CLRN1: variants seen among roughly 807,000 people sequenced by gnomAD.
CLRN1 encodes clarin-1.
In CLRN1, 15 loss-of-function variants were observed where a neutral mutation model predicts 18.7. The observed-to-expected ratio is 0.80, with a 90% CI of 0.54 to 1.23. The LOEUF is 1.23. Ranked by LOEUF, CLRN1 falls within the 50% of genes most tolerant of loss-of-function variation. The pLI is 0.00. For synonymous variants in CLRN1, 104 were observed against 102.9 expected (o/e 1.01, Z -0.07); for missense variants, 311 against 277.5 (o/e 1.12, Z -0.86).
At chr3:150,969,090 A>C (rs1715401422) in intron 1 of CLRN1, among the ~76,000 whole-genome samples, 1 of 151,212 alleles carries the variant, frequency 6.6e-6, no homozygotes, top group African/African-American at 2.4e-5. Flanking sequence ...AATACACTCT[A>C]GATTTCCAAG....
chr3:150,931,987 A>G (rs1375943334), intron 2 of CLRN1, among the ~76,000 whole-genome samples: 1 of 151,890 alleles, frequency 6.6e-6, no homozygotes, highest in Non-Finnish European at 1.5e-5. Context: ...TTACTCAATG[A>G]CCTACAGCCA....
chr3:150,927,007 G>C lies in CLRN1; in HGVS notation c.*929C>G. 6.7e-7 allele frequency: 1 copy of C among 1,485,294 alleles called. No homozygotes were observed. Among genetic ancestry groups the C allele is most frequent in the South Asian group, 1.2e-5 (1 of 83,054 alleles). The allele number at this position is 1,485,294 out of a possible 1,614,324, so 92.0% of individuals were successfully genotyped here. On this transcript the variant is annotated 3_prime_UTR_variant, in exon 3 of 3. Transcript: ENST00000327047. ...CAGATTTAATATAATTTTCATAATT[G>C]CATATTAGTACTCGAGACACTATAG...
chr3:150,971,597 A>G (rs978772579), intron 1 of CLRN1, among the ~76,000 whole-genome samples: 6 of 152,212 alleles, frequency 3.9e-5, no homozygotes, highest in African/African-American at 7.2e-5. Context: ...TGATTTATGC[A>G]GTAATTTACT....
chr3:150,954,448 T>C (rs1714640512), intron 1 of CLRN1, among the ~76,000 whole-genome samples: 1 of 152,272 alleles, frequency 6.6e-6, no homozygotes, highest in South Asian at 2.1e-4. Flanking sequence ...TGTTTGTATC[T>C]TTTGTGCATT....
At chr3:150,948,210 C>T (rs1269421865) in intron 1 of CLRN1, among the ~76,000 whole-genome samples, 3 of 151,612 alleles carry the variant, frequency 2.0e-5, no homozygotes, top group African/African-American at 7.3e-5. Flanking sequence ...ATGGGCCGGG[C>T]GCGGTGGCTC....
chr3:150,945,452 G>A, intron 1 of CLRN1: 4 of 1,231,504 alleles, frequency 3.2e-6, no homozygotes, highest in South Asian at 2.6e-5. Context: ...AAGGGGGCCA[G>A]GAGAGAAAGT....
intron 1 of CLRN1, among the ~76,000 whole-genome samples, chr3:150,971,936 T>C (rs1715556735): frequency 6.6e-6 from 1 of 152,226 alleles, no homozygotes; most frequent in African/African-American, 2.4e-5. Context: ...TAAATTTCTA[T>C]AGCCAAATGA....
chr3:150,932,657 A>C (rs1162874672), intron 2 of CLRN1, among the ~76,000 whole-genome samples: 4 of 152,218 alleles, frequency 2.6e-5, no homozygotes. Context: ...CAACTTTACA[A>C]GTGTAGGTGT....
rs1258514376 is a variant in CLRN1 at position 150,927,291 on chromosome 3, AT to A, written c.*644del. The A allele has an allele frequency of 2.6e-6, 1 of 380,678 alleles. No homozygotes were observed. The highest frequency in any genetic ancestry group is 2.1e-5 in the South Asian group (1 of 47,858). 23.6% of individuals were successfully genotyped at this position (380,678 alleles called of 1,614,324 possible). Reference sequence around the variant, plus strand: ...AAAGCCTATATTTTATATTTATTTTATTTTTTAATTTTGTTAGTGACAGGGT... The same window carrying A: ...AAAGCCTATATTTTATATTTATTTTATTTTTAATTTTGTTAGTGACAGGGT... On this transcript the variant is annotated 3_prime_UTR_variant, in exon 3 of 3. Coordinates refer to ENST00000327047, the MANE Select transcript of CLRN1 (RefSeq NM_174878.3).
intron 1 of CLRN1, among the ~76,000 whole-genome samples, chr3:150,962,682 A>G (rs1208587494): frequency 6.6e-6 from 1 of 152,204 alleles, no homozygotes; most frequent in Non-Finnish European, 1.5e-5. Flanking sequence ...TTTGAAGATC[A>G]TACCATGAAG....
chr3:150,949,903 T>G (rs1382292771), intron 1 of CLRN1, among the ~76,000 whole-genome samples: 1 of 152,176 alleles, frequency 6.6e-6, no homozygotes, highest in African/African-American at 2.4e-5. Context: ...GTTACCCAAC[T>G]TTGAAATATG....
intron 1 of CLRN1, chr3:150,943,768 C>T (rs1025837126): frequency 7.5e-5 from 121 of 1,613,000 alleles, no homozygotes; most frequent in Non-Finnish European, 9.2e-5. Flanking sequence ...GGCAGAGCTA[C>T]GAGAGCATTG....
intron 2 of CLRN1, chr3:150,940,421 G>A (rs747687319): frequency 2.4e-5 from 35 of 1,454,292 alleles, no homozygotes; most frequent in African/African-American, 1.1e-4. Context: ...ATCTATACAC[G>A]TTTGTGGTTG....
chr3:150,949,461 C>A (rs2198767), intron 1 of CLRN1, among the ~76,000 whole-genome samples: 28,955 of 152,022 alleles, frequency 0.19, 3,363 homozygotes, highest in African/African-American at 0.32. Flanking sequence ...AAAAAACCCC[C>A]TAGTCTCAGC....
At chr3:150,930,682 C>T (rs4680061) in intron 2 of CLRN1, among the ~76,000 whole-genome samples, 88,967 of 151,946 alleles carry the variant, frequency 0.59, 27,771 homozygotes, top group East Asian at 0.69. Flanking sequence ...GAGAAAATGC[C>T]ATTCCTTTTA....
At chr3:150,934,338 T>C (rs1713330697) in intron 2 of CLRN1, among the ~76,000 whole-genome samples, 1 of 152,240 alleles carries the variant, frequency 6.6e-6, no homozygotes, top group Non-Finnish European at 1.5e-5. Flanking sequence ...GCAGCAATTT[T>C]GTTTGCCCTG....
In CLRN1 at chr3:150,939,040, C is replaced by CT. The variant is rs773359692; in HGVS notation, c.433+2541dup. ...AGAATTTCATTCAGAAGCTGGAGCGCTAGACGGCTGTTGCTGCTAATGAGC... is the reference window on the plus strand; with the variant it reads ...AGAATTTCATTCAGAAGCTGGAGCGCTTAGACGGCTGTTGCTGCTAATGAGC... On this transcript the variant is annotated intron_variant, in intron 2 of 2. Coordinates refer to ENST00000327047, the MANE Select transcript of CLRN1 (RefSeq NM_174878.3). Among the ~76,000 whole-genome samples, 10 of 152,332 alleles carry CT rather than the reference C, an allele frequency of 6.6e-5. 1 individual carries two copies. The highest frequency in any genetic ancestry group is 3.3e-4 in the Admixed American group (5 of 15,300).
rs1353053452 is a variant in CLRN1, at chr3:150,926,823, T to C, written c.*1113A>G. 6.2e-7 allele frequency: 1 copy of C among 1,613,902 alleles called. No homozygotes were observed. Among genetic ancestry groups the C allele is most frequent in the Admixed American group, 1.7e-5 (1 of 59,980 alleles). ...TGGTGCTTTCTGGAGGACAGCAGGTTGAGGATGAAGGAAGGGTCAGTTCCA... is the reference window on the plus strand; with the variant it reads ...TGGTGCTTTCTGGAGGACAGCAGGTCGAGGATGAAGGAAGGGTCAGTTCCA... On this transcript the variant is annotated 3_prime_UTR_variant, in exon 3 of 3. Transcript: ENST00000327047.
At chr3:150,966,028 C>T (rs1233837181) in intron 1 of CLRN1, among the ~76,000 whole-genome samples, 2 of 152,204 alleles carry the variant, frequency 1.3e-5, no homozygotes, top group Non-Finnish European at 2.9e-5. Flanking sequence ...GTAAAGAATG[C>T]CCTTGGAGAG....
Sources: allele counts gnomAD v4.1 joint callset (sites outside exome capture counted in the v4.1 genomes callset), GRCh38; gene constraint gnomAD v4.1.1; transcripts MANE v1.5; gene names NCBI Gene and HGNC (gene_info 2026-07-23, HGNC 2026-07-21).